ACBD6: variants seen among roughly 807,000 people sequenced by gnomAD.
ACBD6 encodes the protein acyl-CoA binding domain containing 6, also known as acyl-CoA-binding domain-containing protein 6.
A neutral mutation model predicts 37.2 loss-of-function variants in ACBD6; 28 were observed. That is an observed-to-expected ratio of 0.75 (90% CI 0.56 to 1.03). ACBD6 has a LOEUF of 1.03. Ranked by LOEUF, ACBD6 falls within the 50% of genes least tolerant of loss-of-function variation. ACBD6 has a pLI of 0.00. For synonymous variants in ACBD6, 113 were observed against 126.8 expected (o/e 0.89, Z 0.73); for missense variants, 340 against 337.4 (o/e 1.01, Z -0.06).
At position 180,429,318 on chromosome 1, in the gene ACBD6, T is replaced by C. The variant is rs113043379; in HGVS notation, c.467+862A>G. Among the ~76,000 whole-genome samples the C allele has an allele frequency of 9.7e-3, 1,471 of 152,298 alleles. 19 individuals carry two copies. The highest frequency in any genetic ancestry group is 0.033 in the African/African-American group (1,385 of 41,548). On this transcript the variant is annotated intron_variant, in intron 4 of 7. Transcript: ENST00000367595. ...TTGAATCCTTTCTGTTTCTGTGAGTTTGACTACTCTAAATACCTTATGTAA... is the reference window on the plus strand; with the variant it reads ...TTGAATCCTTTCTGTTTCTGTGAGTCTGACTACTCTAAATACCTTATGTAA...
intron 5 of ACBD6, among the ~76,000 whole-genome samples, chr1:180,407,971 C>A (rs2101966202): frequency 6.6e-6 from 1 of 152,294 alleles, no homozygotes; most frequent in South Asian, 2.1e-4. Flanking sequence ...ATCCTTCACT[C>A]ATACTATTAA....
At chr1:180,444,734 T>C (rs1275916474) in intron 3 of ACBD6, among the ~76,000 whole-genome samples, 1 of 152,202 alleles carries the variant, frequency 6.6e-6, no homozygotes, top group East Asian at 1.9e-4. Flanking sequence ...AGAGTCCAAT[T>C]TGGCAGCGAA....
chr1:180,406,350 A>G (rs537109019), intron 5 of ACBD6, among the ~76,000 whole-genome samples: 3 of 152,190 alleles, frequency 2.0e-5, no homozygotes, highest in Non-Finnish European at 4.4e-5. Flanking sequence ...GGAGTGTCAC[A>G]CTGTTGCTAA....
chr1:180,404,105 C>T (rs1647503999), intron 5 of ACBD6, among the ~76,000 whole-genome samples: 2 of 151,968 alleles, frequency 1.3e-5, no homozygotes, highest in South Asian at 4.1e-4. Context: ...AGTGCAGCAC[C>T]ACGCCTGACT....
At chr1:180,470,097 T>C (rs551101827) in intron 3 of ACBD6, among the ~76,000 whole-genome samples, 1 of 152,180 alleles carries the variant, frequency 6.6e-6, no homozygotes, top group Non-Finnish European at 1.5e-5. Context: ...ACATTAACAT[T>C]GTTGGTTCAT....
intron 3 of ACBD6, among the ~76,000 whole-genome samples, chr1:180,490,959 T>C (rs1438420056): frequency 2.2e-5 from 1 of 46,326 alleles, no homozygotes; most frequent in African/African-American, 1.0e-4. Context: ...CTCTGTCTCA[T>C]ATAAAAAAAA....
chr1:180,435,059 G>A, intron 3 of ACBD6: 1 of 838,540 alleles, frequency 1.2e-6, no homozygotes, highest in Non-Finnish European at 2.1e-6. Flanking sequence ...TGGAAGGTCA[G>A]CTTGCACATG....
At chr1:180,378,038 C>A (rs1653505458) in intron 6 of ACBD6, among the ~76,000 whole-genome samples, 1 of 151,722 alleles carries the variant, frequency 6.6e-6, no homozygotes, top group Non-Finnish European at 1.5e-5. Context: ...TCTCACTCCA[C>A]CCCATATTTA....
intron 1 of ACBD6, among the ~76,000 whole-genome samples, chr1:180,500,887 T>C (rs1254844255): frequency 6.6e-6 from 1 of 150,516 alleles, no homozygotes; most frequent in Non-Finnish European, 1.5e-5. Context: ...CTCTGCAAAG[T>C]GTCATGATGT....
rs78472111 is a variant in ACBD6, at chr1:180,354,478, A to G, written c.664-39756T>C. On this transcript the variant is annotated intron_variant, in intron 6 of 7. Coordinates refer to ENST00000367595, the MANE Select transcript of ACBD6 (RefSeq NM_032360.4). Reference sequence around the variant, plus strand: ...ATATGGTAATTTTAAAAAATGTTTAAAAACATGAAAAGATTTTTATTTCAA... The same window carrying G: ...ATATGGTAATTTTAAAAAATGTTTAGAAACATGAAAAGATTTTTATTTCAA... Among the ~76,000 whole-genome samples, 645 of 152,262 alleles carry G rather than the reference A, an allele frequency of 4.2e-3. 5 individuals are homozygous for G. Among genetic ancestry groups the G allele is most frequent in the Non-Finnish European group, 6.7e-3 (457 of 68,008 alleles).
intron 6 of ACBD6, among the ~76,000 whole-genome samples, chr1:180,315,428 A>C (rs1300807775): frequency 1.3e-5 from 2 of 152,250 alleles, no homozygotes; most frequent in Non-Finnish European, 2.9e-5. Flanking sequence ...TGAGCAACAA[A>C]TAATCAAAGT....
intron 1 of ACBD6, 44 bp from the exon 2 acceptor site, chr1:180,495,569 T>C: frequency 1.5e-5 from 22 of 1,464,588 alleles, no homozygotes; most frequent in Non-Finnish European, 1.9e-5. Flanking sequence ...TTCAAAGAAA[T>C]GTCTGGGAAA....
chr1:180,282,961 T>A (rs1267736934), intron 8 of ACBD6, among the ~76,000 whole-genome samples: 1 of 143,386 alleles, frequency 7.0e-6, no homozygotes, highest in Non-Finnish European at 1.5e-5. Flanking sequence ...AACAATAATA[T>A]ATGTCTTTCT....
intron 3 of ACBD6, among the ~76,000 whole-genome samples, chr1:180,449,413 T>TC (rs1300271921): frequency 1.3e-5 from 2 of 149,968 alleles, no homozygotes; most frequent in African/African-American, 4.9e-5. Flanking sequence ...ACTCGCACTT[T>TC]TTTTTTTTTT....
At chr1:180,277,980 A>AAAAG (rs1340339015) in intron 9 of ACBD6, 1 of 151,588 alleles carries the variant, frequency 6.6e-6, no homozygotes, top group Admixed American at 6.6e-5. Context: ...TCTGTAAAAC[A>AAAAG]AAAGACATTC....
At chr1:180,350,736 G>A (rs1053089878) in intron 6 of ACBD6, among the ~76,000 whole-genome samples, 2 of 152,104 alleles carry the variant, frequency 1.3e-5, no homozygotes, top group Non-Finnish European at 2.9e-5. Context: ...ATTCATAACT[G>A]AAGATGTCTC....
intron 3 of ACBD6, among the ~76,000 whole-genome samples, chr1:180,471,402 G>GAA (rs10682632): frequency 0.021 from 2,874 of 139,314 alleles, 82 homozygotes; most frequent in African/African-American, 0.066. Flanking sequence ...AGATTTTAAG[G>GAA]AAAAAAAAAA....
intron 3 of ACBD6, among the ~76,000 whole-genome samples, chr1:180,445,217 T>G (rs1649431183): frequency 6.6e-6 from 1 of 152,220 alleles, no homozygotes; most frequent in African/African-American, 2.4e-5. Flanking sequence ...TGGCCATTTC[T>G]CCAACGCAAA....
chr1:180,384,080 T>C (rs778145399), intron 6 of ACBD6, among the ~76,000 whole-genome samples: 37 of 147,578 alleles, frequency 2.5e-4, no homozygotes, highest in African/African-American at 7.0e-4. Context: ...GATGAAAACA[T>C]AGGGAACTTG....
Sources: allele counts gnomAD v4.1 joint callset (sites outside exome capture counted in the v4.1 genomes callset), GRCh38; gene constraint gnomAD v4.1.1; transcripts MANE v1.5; gene names NCBI Gene and HGNC (gene_info 2026-07-23, HGNC 2026-07-21).